LIN28B: variants seen among roughly 807,000 people sequenced by gnomAD.
The protein encoded by LIN28B is protein lin-28 homolog B.
Under a neutral mutation model 21.9 loss-of-function variants are expected in LIN28B, and 5 were observed. That is an observed-to-expected ratio of 0.23 (90% CI 0.12 to 0.48). The LOEUF is 0.48. Ranked by LOEUF, LIN28B falls within the 20% of genes least tolerant of loss-of-function variation. LIN28B has a pLI of 0.98. For synonymous variants in LIN28B, 109 were observed against 111.3 expected, an observed-to-expected ratio of 0.98 and a Z score of 0.13; for missense variants, 245 against 310.5, an observed-to-expected ratio of 0.79 and a Z score of 1.58.
intron 2 of LIN28B, among the ~76,000 whole-genome samples, chr6:105,019,257 T>G (rs1460755246): frequency 2.0e-5 from 3 of 152,136 alleles, no homozygotes; most frequent in Non-Finnish European, 4.4e-5. Flanking sequence ...TGGTCTTTCT[T>G]AATTATGCTG....
intron 2 of LIN28B, among the ~76,000 whole-genome samples, chr6:105,001,428 T>C (rs1345234169): frequency 6.6e-6 from 1 of 152,222 alleles, no homozygotes; most frequent in African/African-American, 2.4e-5. Context: ...TCTACGACCT[T>C]GTGGGTCTTC....
chr6:105,050,235 G>A (rs1258341562), intron 3 of LIN28B, among the ~76,000 whole-genome samples: 3 of 152,162 alleles, frequency 2.0e-5, no homozygotes, highest in African/African-American at 4.8e-5. Flanking sequence ...TCTCTGTAAA[G>A]TATTTTATTT....
intron 3 of LIN28B, among the ~76,000 whole-genome samples, chr6:105,033,185 A>G (rs1426173671): frequency 6.6e-6 from 1 of 152,158 alleles, no homozygotes; most frequent in African/African-American, 2.4e-5. Context: ...TCGTTTATTG[A>G]AAAGAATATC....
At chr6:104,964,092 A>G (rs1191584323) in intron 2 of LIN28B, among the ~76,000 whole-genome samples, 1 of 152,224 alleles carries the variant, frequency 6.6e-6, no homozygotes, top group Non-Finnish European at 1.5e-5. Flanking sequence ...AATTCTTCCT[A>G]TTCAGAGATA....
At chr6:105,030,032 T>TA (rs1771387254) in intron 3 of LIN28B, among the ~76,000 whole-genome samples, 1 of 152,198 alleles carries the variant, frequency 6.6e-6, no homozygotes, top group African/African-American at 2.4e-5. Flanking sequence ...TCCTTACTCT[T>TA]ACTGTGTGTC....
chr6:105,005,836 TTC>T (rs1770806492), intron 2 of LIN28B, among the ~76,000 whole-genome samples: 1 of 152,334 alleles, frequency 6.6e-6, no homozygotes, highest in South Asian at 2.1e-4. Context: ...TTTTTCTGTG[TTC>T]TTTTTGGAGG....
chr6:104,989,576 GTTTT>G (rs34394074), intron 2 of LIN28B, among the ~76,000 whole-genome samples: 682 of 60,534 alleles, frequency 0.011, 3 homozygotes, highest in Non-Finnish European at 0.016. Context: ...TTTTACTTGG[GTTTT>G]TTTTTTTTTT....
intron 2 of LIN28B, among the ~76,000 whole-genome samples, chr6:104,959,036 G>A (rs907532852): frequency 6.6e-6 from 1 of 152,076 alleles, no homozygotes; most frequent in African/African-American, 2.4e-5. Context: ...ACCTTTGCTC[G>A]TATTGTGTTG....
intron 2 of LIN28B, among the ~76,000 whole-genome samples, chr6:105,014,627 T>A (rs1415088303): frequency 6.6e-6 from 1 of 152,168 alleles, no homozygotes; most frequent in Admixed American, 6.5e-5. Context: ...TGGCCTTAAA[T>A]TTCTTTTTAT....
rs1051757053 is a variant in LIN28B at position 105,000,558 on chromosome 6, T to C, written c.199-25740T>C. 3.9e-5 allele frequency among the ~76,000 whole-genome samples: 6 copies of C among 152,134 alleles called. No individual in the cohort carries two copies. In the East Asian group the frequency reaches 5.8e-4, roughly 15 times the overall value. On this transcript the variant is annotated intron_variant, in intron 2 of 3. Coordinates refer to ENST00000345080, the MANE Select transcript of LIN28B (RefSeq NM_001004317.4). ...AACTAGTTTTGCCTGTCAAGACTAA[T>C]TGTTCAAGAGACCTTTTTATATAAA...
chr6:104,951,095 A>T (rs1203642842), intron 3 of LIN28B, among the ~76,000 whole-genome samples: 1 of 152,154 alleles, frequency 6.6e-6, no homozygotes, highest in Non-Finnish European at 1.5e-5. Flanking sequence ...TAATATTTTA[A>T]ACCCAGACTT....
chr6:105,024,528 T>C (rs1771247135), intron 2 of LIN28B, among the ~76,000 whole-genome samples: 1 of 152,124 alleles, frequency 6.6e-6, no homozygotes, highest in Non-Finnish European at 1.5e-5. Context: ...GCTTTAGAAA[T>C]GTTAAAATAG....
chr6:104,957,745 TTC>T (rs1378448539), intron 1 of LIN28B, among the ~76,000 whole-genome samples: 1 of 152,138 alleles, frequency 6.6e-6, no homozygotes, highest in African/African-American at 2.4e-5. Flanking sequence ...CGCTGAAAAT[TTC>T]TCTTTGTCAA....
intron 3 of LIN28B, among the ~76,000 whole-genome samples, chr6:105,055,341 A>C (rs957645274): frequency 6.6e-6 from 1 of 152,318 alleles, no homozygotes; most frequent in South Asian, 2.1e-4. Flanking sequence ...TATGAATAAC[A>C]GTATCTTAAA....
chr6:105,001,152 T>G (rs1189395540), intron 2 of LIN28B, among the ~76,000 whole-genome samples: 2 of 152,246 alleles, frequency 1.3e-5, no homozygotes, highest in African/African-American at 2.4e-5. Context: ...ATGCCCTTTC[T>G]TATTAAAATA....
At chr6:105,035,428 T>G (rs1771503232) in intron 3 of LIN28B, among the ~76,000 whole-genome samples, 1 of 152,110 alleles carries the variant, frequency 6.6e-6, no homozygotes, top group African/African-American at 2.4e-5. Context: ...CTAGATCCTT[T>G]GAGGTCTGTC....
chr6:105,047,561 A>G (rs1771796226), intron 3 of LIN28B, among the ~76,000 whole-genome samples: 1 of 152,178 alleles, frequency 6.6e-6, no homozygotes. Context: ...GAAGAAAGTC[A>G]TTCGTAGCTT....
In LIN28B at chr6:104,958,372, A is replaced by G. The variant is rs1769624497; in HGVS notation, c.198+86A>G. 1 of 1,101,510 alleles carries G rather than the reference A, an allele frequency of 9.1e-7. No homozygotes were observed. Among genetic ancestry groups the G allele is most frequent in the Non-Finnish European group, 1.3e-6 (1 of 780,240 alleles). 68.2% of individuals were successfully genotyped at this position (1,101,510 alleles called of 1,614,324 possible). On this transcript the variant is annotated intron_variant, in intron 2 of 3. Coordinates refer to ENST00000345080, the MANE Select transcript of LIN28B (RefSeq NM_001004317.4). ...GTTATGCCAATAGACGTACGATAAG[A>G]TGTCCTTCGGTATATTGAAAGACAA... is the stretch of plus-strand genomic sequence containing the variant.
At chr6:105,044,947 A>G (rs1240818710) in intron 3 of LIN28B, among the ~76,000 whole-genome samples, 1 of 152,288 alleles carries the variant, frequency 6.6e-6, no homozygotes, top group East Asian at 1.9e-4. Flanking sequence ...TGGGAGGATC[A>G]CTTCAGCCCA....
Sources: allele counts gnomAD v4.1 joint callset (sites outside exome capture counted in the v4.1 genomes callset), GRCh38; gene constraint gnomAD v4.1.1; transcripts MANE v1.5; gene names NCBI Gene and HGNC (gene_info 2026-07-23, HGNC 2026-07-21).